The following KIFBP variants were observed in gnomAD, a reference collection of about 807,000 sequenced individuals.
KIFBP encodes the protein kinesin family binding protein.
Under a neutral mutation model 58.9 loss-of-function variants are expected in KIFBP, and 46 were observed. That is an observed-to-expected ratio of 0.78 (90% CI 0.62 to 1.00). The LOEUF is 1.00. KIFBP is among the 50% of genes least tolerant of loss of function. The probability of loss-of-function intolerance (pLI) is 0.00; values close to 1 mark genes in which losing one functional copy is unlikely to be tolerated. For missense variants in KIFBP, 651 were observed against 752.9 expected (o/e 0.86, Z 1.58); for synonymous variants, 241 against 283.4 (o/e 0.85, Z 1.50).
chr10:68,990,633 G>T (rs755354049), intron 1 of KIFBP, among the ~76,000 whole-genome samples: 1 of 152,162 alleles, frequency 6.6e-6, no homozygotes, highest in Non-Finnish European at 1.5e-5. Flanking sequence ...ACTTTAAAAA[G>T]TTAAAATAAT....
intron 5 of KIFBP, among the ~76,000 whole-genome samples, chr10:69,010,641 T>C (rs1843580545): frequency 1.3e-5 from 2 of 152,244 alleles, no homozygotes. Context: ...AATGGTGTAC[T>C]TAAAAATGAA....
chr10:68,996,170 T>A (rs557589808), intron 1 of KIFBP, among the ~76,000 whole-genome samples: 38 of 143,766 alleles, frequency 2.6e-4, no homozygotes, highest in African/African-American at 8.5e-4. Context: ...AAAAAAAAAA[T>A]GGTAATAATA....
Position 68,992,392 on chromosome 10 carries a change from G to C in KIFBP, c.426+3134G>C, listed in dbSNP as rs1843359530. Among the ~76,000 whole-genome samples, 6 of 152,142 alleles carry C rather than the reference G, an allele frequency of 3.9e-5. No homozygotes were observed. In the South Asian group the frequency reaches 1.2e-3, roughly 32 times the overall value. On this transcript the variant is annotated intron_variant, in intron 1 of 6. Coordinates refer to ENST00000361983, the MANE Select transcript of KIFBP (RefSeq NM_015634.4). ...CTAATAGCTTGAGAATCAAGGGGAT[G>C]GGGATTTTGGTTGTAGGCATTTTAT... is the stretch of plus-strand genomic sequence containing the variant.
At chr10:68,994,688 T>G (rs1843386109) in intron 1 of KIFBP, among the ~76,000 whole-genome samples, 1 of 152,170 alleles carries the variant, frequency 6.6e-6, no homozygotes, top group African/African-American at 2.4e-5. Context: ...CACAGATTCA[T>G]TGAGTTGCAA....
intron 3 of KIFBP, 117 bp from the exon 4 acceptor site, chr10:69,005,615 G>A: frequency 1.3e-6 from 1 of 763,918 alleles, no homozygotes; most frequent in East Asian, 2.7e-5. Flanking sequence ...GGCGGAGGCA[G>A]TGAGCCAAGA....
intron 1 of KIFBP, among the ~76,000 whole-genome samples, chr10:68,996,157 C>CA (rs35440783): frequency 5.4e-4 from 78 of 143,544 alleles, no homozygotes; most frequent in African/African-American, 8.2e-4. Context: ...GACTCTATCT[C>CA]AAAAAAAAAA....
At chr10:68,999,533 C>A (rs2487703) in intron 1 of KIFBP, among the ~76,000 whole-genome samples, 12,107 of 152,088 alleles carry the variant, frequency 0.08, 664 homozygotes, top group African/African-American at 0.15. Flanking sequence ...ACTCAAAGGC[C>A]CACATCATAT....
intron 6 of KIFBP, chr10:69,011,244 G>A (rs1339718660): frequency 6.1e-6 from 3 of 488,928 alleles, no homozygotes; most frequent in Admixed American, 3.3e-5. Flanking sequence ...TCCAGCCTGG[G>A]CAACAGAGCG....
At chr10:69,000,391 CATT>C (rs1843453730) in intron 1 of KIFBP, 30 bp from the exon 2 acceptor site, 1 of 1,376,570 alleles carries the variant, frequency 7.3e-7, no homozygotes, top group African/African-American at 1.4e-5. Context: ...AGTCTTATAT[CATT>C]GTTTGTTTCT....
Position 69,010,743 on chromosome 10 carries a change from T to TG in KIFBP, c.875-149dup, listed in dbSNP as rs568633412. Among the ~76,000 whole-genome samples, 23 of 151,946 alleles carry TG rather than the reference T, an allele frequency of 1.5e-4. No homozygotes were observed. In the East Asian group the frequency reaches 1.5e-3, roughly 10 times the overall value. ...GTGAGTGCTTCTGGGTAGTAGGATT[T>TG]GGGGGGGGATCTTTCTTCCCTTTTC... On this transcript the variant is annotated intron_variant, in intron 5 of 6. Coordinates refer to ENST00000361983, the MANE Select transcript of KIFBP (RefSeq NM_015634.4).
chr10:68,989,399 C>G, intron 1 of KIFBP, 141 bp downstream of exon 1: 1 of 913,102 alleles, frequency 1.1e-6, no homozygotes, highest in Non-Finnish European at 1.7e-6. Flanking sequence ...TCCCAAAGAG[C>G]GTCTGTGGTC....
chr10:69,015,416 C>A (rs550159291), intron 6 of KIFBP, 125 bp from the exon 7 acceptor site: 47 of 831,112 alleles, frequency 5.7e-5, no homozygotes, highest in Admixed American at 5.5e-4. Context: ...ATTATGATAC[C>A]CTTCTAAACC....
chr10:69,009,491 C>T (rs1306900529), intron 5 of KIFBP, among the ~76,000 whole-genome samples: 1 of 152,180 alleles, frequency 6.6e-6, no homozygotes, highest in African/African-American at 2.4e-5. Flanking sequence ...TCAGTTGTCA[C>T]ATCTCTTCAG....
At position 69,016,085 on chromosome 10, in the gene KIFBP, C is replaced by G. The variant is rs757081898; in HGVS notation, c.1535C>G (p.Ser512Ter). Reference sequence around the variant, plus strand: ...AAAAAAATAAATAATCTTAATAAGTCAGCACTGAAGTACTACCAGCTCTTC... The same window carrying G: ...AAAAAAATAAATAATCTTAATAAGTGAGCACTGAAGTACTACCAGCTCTTC... The part of the protein sequence containing the change: ...IVKKINNLNK[S>*]ALKYYQLFLD... Residue 512 changes from serine (S) to a stop codon, truncating the protein, a stop_gained, in exon 7 of 7, where the codon TCA becomes TGA. Coordinates refer to ENST00000361983, the MANE Select transcript of KIFBP (RefSeq NM_015634.4). LOFTEE classifies it high-confidence loss of function. 5.0e-6 allele frequency: 8 copies of G among 1,614,044 alleles called. No homozygotes were observed.
At position 69,015,743 on chromosome 10, in the gene KIFBP, T is replaced by C. The variant is rs1838990804; in HGVS notation, c.1193T>C (p.Leu398Ser). 1 of 1,614,228 alleles carries C rather than the reference T, an allele frequency of 6.2e-7. No individual in the cohort carries two copies. Among genetic ancestry groups the C allele is most frequent in the Non-Finnish European group, 8.5e-7 (1 of 1,180,040 alleles). ...GAAGAAGCCAGAGAACTTTTCTTAT[T>C]GGGTCAGCACTATGTCTTTGAGGCA... ...DFEEARELFL[L>S]GQHYVFEAKE... is the part of the protein sequence containing the mutation. The change falls in exon 7 of 7, where the codon TTG becomes TCG. Residue 398 changes from leucine to serine, a missense_variant. Leu to Ser is a moderately radical substitution (Grantham distance 145). Coordinates refer to ENST00000361983, the MANE Select transcript of KIFBP (RefSeq NM_015634.4).
chr10:69,010,402 A>G (rs1274392214), intron 5 of KIFBP, among the ~76,000 whole-genome samples: 1 of 152,208 alleles, frequency 6.6e-6, no homozygotes, highest in Non-Finnish European at 1.5e-5. Context: ...AAACTTTACA[A>G]AGCTTTGTGT....
At position 68,998,757 on chromosome 10, in the gene KIFBP, G is replaced by GTATA. The variant is rs1554842726; in HGVS notation, c.427-1655_427-1652dup. Among the ~76,000 whole-genome samples the GTATA allele has an allele frequency of 2.8e-3, 224 of 79,874 alleles. 5 individuals are homozygous for GTATA. The highest frequency in any genetic ancestry group is 9.0e-3 in the South Asian group (22 of 2,444). The allele number at this position is 79,874 out of a possible 152,430, so 52.4% of individuals were successfully genotyped here. A position where few individuals can be genotyped will look rare whatever the true frequency, so the allele number is the denominator to read the frequency against. On this transcript the variant is annotated intron_variant, in intron 1 of 6. Transcript: ENST00000361983. ...TACATACATACATACATACATATAT[G>GTATA]TATATATATATATATTTTTTTTTTT... is the stretch of plus-strand genomic sequence containing the variant.
intron 4 of KIFBP, chr10:69,006,753 T>G (rs184846197): frequency 4.5e-4 from 68 of 152,352 alleles, no homozygotes; most frequent in African/African-American, 1.6e-3. Flanking sequence ...GGTAACCCGC[T>G]GCCTTATCCT....
intron 2 of KIFBP, among the ~76,000 whole-genome samples, chr10:69,000,937 A>C (rs1449168922): frequency 6.6e-6 from 1 of 152,126 alleles, no homozygotes; most frequent in Non-Finnish European, 1.5e-5. Context: ...ACCCATCAAA[A>C]TCTGGAGAGC....
Sources: gnomAD v4.1 joint callset for allele counts (sites outside exome capture counted in the v4.1 genomes callset) on GRCh38, gnomAD v4.1.1 for gene constraint, MANE v1.5 for transcripts, NCBI Gene and HGNC (gene_info 2026-07-23, HGNC 2026-07-21) for gene names.